The following UBE2V1 variants were observed in gnomAD, a reference collection of about 807,000 sequenced individuals.
The protein encoded by UBE2V1 is ubiquitin-conjugating enzyme E2 variant 1.
A neutral mutation model predicts 19.6 loss-of-function variants in UBE2V1; 15 were observed. The ratio of observed to expected loss-of-function variants is 0.77; its 90% CI spans 0.51 to 1.18. UBE2V1 has a LOEUF of 1.18. Ranked by LOEUF, UBE2V1 falls within the 50% of genes most tolerant of loss-of-function variation. The pLI is 0.00. For missense variants in UBE2V1, 125 were observed against 184.8 expected, an observed-to-expected ratio of 0.68 and a Z score of 1.88; for synonymous variants, 60 against 60.7, an observed-to-expected ratio of 0.99 and a Z score of 0.05.
chr20:50,113,025 G>T, intron 1 of UBE2V1, 82 bp downstream of exon 1: 1 of 575,806 alleles, frequency 1.7e-6, no homozygotes, highest in Non-Finnish European at 2.6e-6. Flanking sequence ...CCCTGGCTCC[G>T]CTGCAGGAGG....
intron 1 of UBE2V1, among the ~76,000 whole-genome samples, chr20:50,099,932 A>G (rs2079877300): frequency 6.6e-6 from 1 of 152,128 alleles, no homozygotes; most frequent in Non-Finnish European, 1.5e-5. Context: ...TCTCATGTCT[A>G]CAAAAAAATA....
intron 2 of UBE2V1, among the ~76,000 whole-genome samples, chr20:50,090,455 C>T (rs918142281): frequency 7.1e-6 from 1 of 140,224 alleles, no homozygotes; most frequent in Non-Finnish European, 1.5e-5. Flanking sequence ...GCCTGGGCAA[C>T]AGTGCGAGAC....
upstream of UBE2V1, chr20:50,113,152 C>A (rs1296071734): frequency 7.5e-7 from 1 of 1,329,514 alleles, no homozygotes. Flanking sequence ...TGCTTGAAGG[C>A]CGGCCCCTTC....
At chr20:50,087,800 T>C (rs564565290) in intron 2 of UBE2V1, among the ~76,000 whole-genome samples, 8 of 152,170 alleles carry the variant, frequency 5.3e-5, no homozygotes, top group Non-Finnish European at 1.2e-4. Flanking sequence ...TGCAAGGGAC[T>C]ATATGAACAT....
At chr20:50,113,783 A>ATTCATTCGTTCG (rs1555882048), upstream of UBE2V1, among the ~76,000 whole-genome samples, 9 of 137,154 alleles carry the variant, frequency 6.6e-5, no homozygotes, top group Non-Finnish European at 1.1e-4. Flanking sequence ...TCATTCATTC[A>ATTCATTCGTTCG]TTCATTCATT....
At chr20:50,088,159 C>G (rs139187513) in intron 2 of UBE2V1, among the ~76,000 whole-genome samples, 30 of 148,120 alleles carry the variant, frequency 2.0e-4, no homozygotes, top group African/African-American at 7.2e-4. Context: ...AAATACCTGA[C>G]CAGTACTCCT....
chr20:50,100,817 T>C (rs1221866266), intron 1 of UBE2V1, among the ~76,000 whole-genome samples: 1 of 152,248 alleles, frequency 6.6e-6, no homozygotes, highest in Non-Finnish European at 1.5e-5. Flanking sequence ...AGAACTTCTC[T>C]ATGGCTGAAA....
At chr20:50,115,491 A>T (rs781272432), upstream of UBE2V1, 2 of 1,582,056 alleles carry the variant, frequency 1.3e-6, no homozygotes, top group Non-Finnish European at 1.7e-6. Context: ...TCACCTTTGC[A>T]GTGAAATTTT....
intron 2 of UBE2V1, among the ~76,000 whole-genome samples, chr20:50,087,005 A>T (rs2078953732): frequency 6.6e-6 from 1 of 152,212 alleles, no homozygotes; most frequent in African/African-American, 2.4e-5. Flanking sequence ...CGAACCCGGG[A>T]GGTGGAGCTT....
intron 1 of UBE2V1, among the ~76,000 whole-genome samples, chr20:50,108,609 G>T (rs988960818): frequency 1.3e-5 from 2 of 152,190 alleles, no homozygotes; most frequent in African/African-American, 2.4e-5. Context: ...GGGCTGTTGT[G>T]ACAAGTGAGA....
intron 1 of UBE2V1, among the ~76,000 whole-genome samples, chr20:50,102,169 C>T (rs767128647): frequency 5.9e-5 from 9 of 152,102 alleles, no homozygotes; most frequent in East Asian, 1.9e-4. Flanking sequence ...TATAGGCCTG[C>T]GTGATGGGAA....
Position 50,092,524 on chromosome 20 carries a change from C to T in UBE2V1, c.171+4148G>A, listed in dbSNP as rs144530069. ...AGGGATGCTGCTAAACAGCCTACAA[C>T]GCACATACCTAGCACTCTCATGACA... On this transcript the variant is annotated intron_variant, in intron 2 of 3. Coordinates refer to ENST00000371674, the MANE Select transcript of UBE2V1 (RefSeq NM_001032288.3). 1.4e-3 allele frequency among the ~76,000 whole-genome samples: 219 copies of T among 152,204 alleles called. 1 individual carries two copies. Among genetic ancestry groups the T allele is most frequent in the African/African-American group, 4.9e-3 (203 of 41,534 alleles).
At chr20:50,105,123 G>C (rs1450812684) in intron 1 of UBE2V1, among the ~76,000 whole-genome samples, 1 of 152,094 alleles carries the variant, frequency 6.6e-6, no homozygotes. Flanking sequence ...ATAAGTCAAA[G>C]AATTCTTCAC....
At chr20:50,108,776 A>G (rs559711583) in intron 1 of UBE2V1, among the ~76,000 whole-genome samples, 1 of 152,368 alleles carries the variant, frequency 6.6e-6, no homozygotes, top group African/African-American at 2.4e-5. Context: ...AGTATAAAAT[A>G]TAAGCAAGAG....
intron 1 of UBE2V1, among the ~76,000 whole-genome samples, chr20:50,097,106 C>T (rs1371055930): frequency 6.6e-6 from 1 of 152,154 alleles, no homozygotes; most frequent in Non-Finnish European, 1.5e-5. Flanking sequence ...TCCTAAGGGG[C>T]TTACATGTCT....
In UBE2V1 at chr20:50,084,186, G is replaced by T; in HGVS notation, c.240C>A (p.Pro80=). Residue 80 remains proline, a synonymous_variant, in exon 3 of 4, where the codon CCC becomes CCA. Coordinates refer to ENST00000371674, the MANE Select transcript of UBE2V1 (RefSeq NM_001032288.3). ...TAATTTTTGTTACAAATCTTACAAA[G>T]GGGGGTGCTTCTGGGTATTTAGGTC... ...ECGPKYPEAP[P]FVRFVTKINM... The T allele has an allele frequency of 6.2e-7, 1 of 1,609,202 alleles. No homozygotes were observed. Among genetic ancestry groups the T allele is most frequent in the Non-Finnish European group, 8.5e-7 (1 of 1,178,560 alleles).
intron 2 of UBE2V1, chr20:50,084,647 C>T (rs979429004): frequency 1.9e-5 from 8 of 430,878 alleles, no homozygotes; most frequent in African/African-American, 1.4e-4. Flanking sequence ...TTAAATAACA[C>T]TATGTGGTAT....
In UBE2V1 at chr20:50,084,135, A is replaced by G. The variant is rs2078771410; in HGVS notation, c.291T>C (p.Asn97=). 2 of 1,590,572 alleles carry G rather than the reference A, an allele frequency of 1.3e-6. No individual in the cohort carries two copies. Among genetic ancestry groups the G allele is most frequent in the South Asian group, 2.3e-5 (2 of 86,474 alleles). ...KINMNGVNSS[N]GVVDPRAISV... is the part of the protein sequence containing the mutation. Reference sequence around the variant, plus strand: ...GACAGAGAAAACAACTTACCACTCCATTAGAACTATTTACTCCATTCATAT... The same window carrying G: ...GACAGAGAAAACAACTTACCACTCCGTTAGAACTATTTACTCCATTCATAT... The change falls in exon 3 of 4, where the codon AAT becomes AAC. Residue 97 remains asparagine (N), a synonymous_variant. Coordinates refer to ENST00000371674, the MANE Select transcript of UBE2V1 (RefSeq NM_001032288.3).
chr20:50,108,450 T>A (rs780028108), intron 1 of UBE2V1, among the ~76,000 whole-genome samples: 5 of 151,994 alleles, frequency 3.3e-5, no homozygotes, highest in Non-Finnish European at 7.4e-5. Flanking sequence ...CCTCAGAGAA[T>A]AAGAAATGGG....
Sources: gnomAD v4.1 joint callset for allele counts (sites outside exome capture counted in the v4.1 genomes callset) on GRCh38, gnomAD v4.1.1 for gene constraint, MANE v1.5 for transcripts, NCBI Gene and HGNC (gene_info 2026-07-23, HGNC 2026-07-21) for gene names.